Variants in PPARD observed in about 807,000 individuals in gnomAD.
The protein encoded by PPARD is peroxisome proliferator-activated receptor delta.
A neutral mutation model predicts 39.5 loss-of-function variants in PPARD; 6 were observed. The observed-to-expected ratio is 0.15, with a 90% confidence interval of 0.08 to 0.30. PPARD has a LOEUF of 0.30. PPARD is among the 10% of genes least tolerant of loss of function. The pLI, the probability that PPARD is intolerant of heterozygous loss-of-function variation, is 1.00. For synonymous variants in PPARD, 210 were observed against 231.3 expected (o/e 0.91, Z 0.83); for missense variants, 397 against 596.8 (o/e 0.67, Z 3.49).
At chr6:35,411,673 G>A (rs1765438623) in intron 3 of PPARD, among the ~76,000 whole-genome samples, 1 of 152,122 alleles carries the variant, frequency 6.6e-6, no homozygotes, top group Admixed American at 6.6e-5. Context: ...TCATCATTGA[G>A]CCGTATCATA....
intron 2 of PPARD, among the ~76,000 whole-genome samples, chr6:35,380,460 T>TTTTTTTTTTG (rs1763072131): frequency 1.6e-3 from 3 of 1,932 alleles, no homozygotes; most frequent in African/African-American, 3.5e-3. Flanking sequence ...TAACCTCGTG[T>TTTTTTTTTTG]TTTTTTTTTT....
chr6:35,384,293 C>T (rs1183528974), intron 2 of PPARD, among the ~76,000 whole-genome samples: 4 of 140,056 alleles, frequency 2.9e-5, no homozygotes, highest in African/African-American at 1.1e-4. Flanking sequence ...CCAGCCGCCC[C>T]GTCCGGGAGG....
chr6:35,413,043 G>A (rs947368907), intron 3 of PPARD, among the ~76,000 whole-genome samples: 4 of 152,234 alleles, frequency 2.6e-5, no homozygotes, highest in Non-Finnish European at 5.9e-5. Context: ...GCCGCCTGCC[G>A]TGGCCCACCT....
rs59359748 is a variant in PPARD, at chr6:35,404,953, T to TTGTGTGTGTGTGTG, written c.-101-6000_-101-5987dup. The stretch of plus-strand genomic sequence containing the variant: ...GGGGGCTGCATGTGCACTGCAGGCT[T>TTGTGTGTGTGTGTG]TGTGTGTGTGTGTGTGTGTGTGTGT... On this transcript the variant is annotated intron_variant, in intron 2 of 7. Transcript: ENST00000360694. 2.5e-3 allele frequency among the ~76,000 whole-genome samples: 361 copies of TTGTGTGTGTGTGTG among 142,206 alleles called. 4 individuals are homozygous for TTGTGTGTGTGTGTG. Among genetic ancestry groups the TTGTGTGTGTGTGTG allele is most frequent in the African/African-American group, 7.7e-3 (286 of 37,334 alleles). 93.3% of individuals were successfully genotyped at this position (142,206 alleles called of 152,430 possible).
chr6:35,408,353 T>A (rs1379083641), intron 2 of PPARD, among the ~76,000 whole-genome samples: 2 of 152,212 alleles, frequency 1.3e-5, no homozygotes, highest in Non-Finnish European at 2.9e-5. Context: ...CACAGATTGC[T>A]GATCCAGAGA....
chr6:35,409,184 T>G (rs1340666542), intron 2 of PPARD, among the ~76,000 whole-genome samples: 4 of 152,170 alleles, frequency 2.6e-5, no homozygotes, highest in African/African-American at 9.7e-5. Context: ...CATTATTAAG[T>G]TTTGCCTTCT....
At position 35,424,331 on chromosome 6, in the gene PPARD, C is replaced by T. The variant is rs1322663285; in HGVS notation, c.630C>T (p.Pro210=). The T allele has an allele frequency of 6.2e-7, 1 of 1,610,978 alleles. No homozygotes were observed. The highest frequency in any genetic ancestry group is 8.5e-7 in the Non-Finnish European group (1 of 1,177,332). Residue 210 remains proline, a splice_region_variant and synonymous_variant, in exon 7 of 8, where the codon CCC becomes CCT. Coordinates refer to ENST00000360694, the MANE Select transcript of PPARD (RefSeq NM_006238.5). The surrounding 1 kb of genome is among the most constrained non-coding windows in gnomAD (Gnocchi z 7.1). ...ILTGKASHTA[P]FVIHDIETLW... is the part of the protein sequence containing the mutation. Reference sequence around the variant, plus strand: ...CTCTAACGGGGCCTGGTTTTCAGCCCTTTGTGATCCACGACATCGAGACAT... The same window carrying T: ...CTCTAACGGGGCCTGGTTTTCAGCCTTTTGTGATCCACGACATCGAGACAT...
intron 2 of PPARD, among the ~76,000 whole-genome samples, chr6:35,352,510 C>A (rs1761326871): frequency 6.6e-6 from 1 of 152,154 alleles, no homozygotes; most frequent in Non-Finnish European, 1.5e-5. Flanking sequence ...AGACAGATAT[C>A]AAAGGTGGAG....
rs1411520286 is a variant in PPARD at position 35,411,213 on chromosome 6, C to T, written c.126C>T (p.Tyr42=). The change falls in exon 3 of 8, where the codon TAC becomes TAT. Residue 42 remains tyrosine (Y), a synonymous_variant. Transcript: ENST00000360694. ...GPQHALPSSS[Y]TDLSRSSSPP... is the part of the protein sequence containing the mutation. The stretch of plus-strand genomic sequence containing the variant: ...AGCATGCACTTCCTTCCAGCAGCTA[C>T]ACAGGTGAGGAGAGGACTGGCAGGG... 1 of 1,533,736 alleles carries T rather than the reference C, an allele frequency of 6.5e-7. No individual in the cohort carries two copies. The highest frequency in any genetic ancestry group is 1.3e-5 in the South Asian group (1 of 79,220).
chr6:35,351,207 A>T (rs1347052614), intron 2 of PPARD, among the ~76,000 whole-genome samples: 1 of 151,518 alleles, frequency 6.6e-6, no homozygotes, highest in African/African-American at 2.4e-5. Flanking sequence ...TTGTGTTTTT[A>T]GTAGAGACGG....
chr6:35,416,396 A>C (rs868237453), intron 3 of PPARD, among the ~76,000 whole-genome samples: 8,953 of 146,254 alleles, frequency 0.061, 765 homozygotes, highest in African/African-American at 0.16. Flanking sequence ...AAAAAAAAAA[A>C]AAAAAAAAAA....
chr6:35,403,942 C>T (rs926597929), intron 2 of PPARD, among the ~76,000 whole-genome samples: 2 of 152,172 alleles, frequency 1.3e-5, no homozygotes, highest in Admixed American at 6.5e-5. Context: ...GAGAGGGAGG[C>T]AGGGACGAGA....
At chr6:35,403,536 G>A (rs1389729438) in intron 2 of PPARD, among the ~76,000 whole-genome samples, 1 of 152,160 alleles carries the variant, frequency 6.6e-6, no homozygotes, top group Non-Finnish European at 1.5e-5. Context: ...TAAGGCTCAT[G>A]TTTTTAGTAT....
In PPARD at chr6:35,365,133, T is replaced by C. The variant is rs1003584382; in HGVS notation, c.-102+17983T>C. On this transcript the variant is annotated intron_variant, in intron 2 of 7. Coordinates refer to ENST00000360694, the MANE Select transcript of PPARD (RefSeq NM_006238.5). ...AGACATGTAGAGCTTCCTTATTCTT[T>C]TTTTTTTTTTTTTTTTTGAGATGGA... Among the ~76,000 whole-genome samples, 44 of 115,526 alleles carry C rather than the reference T, an allele frequency of 3.8e-4. 1 individual carries two copies. Among genetic ancestry groups the C allele is most frequent in the Admixed American group, 2.5e-3 (32 of 12,650 alleles). The allele number at this position is 115,526 out of a possible 152,430, so 75.8% of individuals were successfully genotyped here.
chr6:35,419,028 G>T (rs1376206710), intron 3 of PPARD, among the ~76,000 whole-genome samples: 1 of 152,168 alleles, frequency 6.6e-6, no homozygotes, highest in Non-Finnish European at 1.5e-5. Context: ...AAGTTGCTTG[G>T]CCTGTGTAGT....
At chr6:35,419,960 C>G (rs1162575819) in intron 3 of PPARD, among the ~76,000 whole-genome samples, 167 bp from the exon 4 acceptor site, 1 of 152,220 alleles carries the variant, frequency 6.6e-6, no homozygotes, top group Non-Finnish European at 1.5e-5. Context: ...CCCAGAGAAG[C>G]TGTCAGTACC....
intron 2 of PPARD, among the ~76,000 whole-genome samples, chr6:35,364,323 T>A (rs566273075): frequency 1.3e-5 from 2 of 152,368 alleles, no homozygotes. Flanking sequence ...TTCCATTTTT[T>A]GACTGCTGTG....
intron 2 of PPARD, among the ~76,000 whole-genome samples, chr6:35,385,042 CCCCGTCCG>C (rs1763524487): frequency 6.8e-6 from 1 of 146,114 alleles, no homozygotes; most frequent in Non-Finnish European, 1.5e-5. Context: ...CGGCCAGCCG[CCCCGTCCG>C]GGAGGTGACG....
intron 2 of PPARD, among the ~76,000 whole-genome samples, chr6:35,370,194 G>A (rs1762408049): frequency 6.6e-6 from 1 of 152,148 alleles, no homozygotes. Flanking sequence ...CCCTGTCTGT[G>A]GGCCAGGAAG....
Sources: allele counts gnomAD v4.1 joint callset (sites outside exome capture counted in the v4.1 genomes callset), GRCh38; gene constraint gnomAD v4.1.1; non-coding constraint Gnocchi (gnomAD v3.1); transcripts MANE v1.5; gene names NCBI Gene and HGNC (gene_info 2026-07-23, HGNC 2026-07-21).